HHAT: variants seen among roughly 807,000 people sequenced by gnomAD.
The protein encoded by HHAT is hedgehog acyltransferase.
In HHAT, 47 loss-of-function variants were observed where a neutral mutation model predicts 70.8. The observed-to-expected ratio is 0.66, with a 90% confidence interval of 0.53 to 0.85. HHAT has a LOEUF of 0.85. HHAT is among the 40% of genes least tolerant of loss of function. HHAT has a pLI of 0.00. For synonymous variants in HHAT, 228 were observed against 247.6 expected (o/e 0.92, Z 0.74); for missense variants, 609 against 604.8 (o/e 1.01, Z -0.07).
intron 3 of HHAT, among the ~76,000 whole-genome samples, chr1:210,375,065 CTT>C (rs2090075705): frequency 6.6e-6 from 1 of 152,210 alleles, no homozygotes; most frequent in Non-Finnish European, 1.5e-5. Context: ...AACCCACAGA[CTT>C]TAATCAGATT....
intron 9 of HHAT, among the ~76,000 whole-genome samples, chr1:210,531,946 C>T (rs1020934525): frequency 6.6e-6 from 1 of 152,160 alleles, no homozygotes; most frequent in Non-Finnish European, 1.5e-5. Flanking sequence ...TTCCTGGGTA[C>T]TTGCAAGCAA....
At chr1:210,366,335 C>A (rs2088964063) in intron 3 of HHAT, among the ~76,000 whole-genome samples, 1 of 152,122 alleles carries the variant, frequency 6.6e-6, no homozygotes, top group African/African-American at 2.4e-5. Context: ...TAAGCCTTAA[C>A]AATTTTAAAA....
chr1:210,507,475 C>T (rs2094880116), intron 8 of HHAT, among the ~76,000 whole-genome samples: 1 of 151,396 alleles, frequency 6.6e-6, no homozygotes. Context: ...ATTCTCCTGC[C>T]TCAGCCTCCC....
At chr1:210,609,224 A>G (rs1162609819) in intron 10 of HHAT, among the ~76,000 whole-genome samples, 1 of 152,196 alleles carries the variant, frequency 6.6e-6, no homozygotes, top group Non-Finnish European at 1.5e-5. Flanking sequence ...TATATTTTCT[A>G]GATAATTTAC....
In HHAT at chr1:210,436,596, G is replaced by T. The variant is rs184903395; in HGVS notation, c.856+18271G>T. ...TTCATTCTGTGTTCTTTTTGTCTTC[G>T]GTTAGTACTTCTGCTGTTGGGGTTC... On this transcript the variant is annotated intron_variant, in intron 7 of 11. Transcript: ENST00000261458. Among the ~76,000 whole-genome samples, 409 of 151,612 alleles carry T rather than the reference G, an allele frequency of 2.7e-3. 7 individuals carry two copies. Among genetic ancestry groups the T allele is most frequent in the African/African-American group, 9.7e-3 (398 of 41,018 alleles).
chr1:210,444,903 G>A (rs1040366092), intron 7 of HHAT, among the ~76,000 whole-genome samples: 5 of 152,100 alleles, frequency 3.3e-5, no homozygotes, highest in South Asian at 2.1e-4. Context: ...GCAGTGGCAC[G>A]ATCTCGGCTC....
At chr1:210,495,308 T>C (rs563365007) in intron 8 of HHAT, among the ~76,000 whole-genome samples, 45 of 151,738 alleles carry the variant, frequency 3.0e-4, no homozygotes, top group Admixed American at 8.5e-4. Flanking sequence ...AAAATTTATA[T>C]AATAGATGAC....
intron 11 of HHAT, among the ~76,000 whole-genome samples, chr1:210,674,045 G>T (rs1219169440): frequency 9.3e-5 from 14 of 150,882 alleles, no homozygotes; most frequent in Non-Finnish European, 1.5e-5. Context: ...TGCCATGCTG[G>T]TGCGCTGCAC....
intron 4 of HHAT, among the ~76,000 whole-genome samples, chr1:210,388,068 A>G (rs2091211941): frequency 6.6e-6 from 1 of 152,194 alleles, no homozygotes; most frequent in African/African-American, 2.4e-5. Context: ...TGGTTATTTG[A>G]AAACTACTTT....
intron 1 of HHAT, among the ~76,000 whole-genome samples, chr1:210,339,313 T>C (rs2085791392): frequency 6.6e-6 from 1 of 152,244 alleles, no homozygotes; most frequent in African/African-American, 2.4e-5. Context: ...TTTCAACTAA[T>C]TTTCCAGATT....
chr1:210,634,332 C>T (rs1355192722), intron 11 of HHAT, among the ~76,000 whole-genome samples: 3 of 152,130 alleles, frequency 2.0e-5, no homozygotes, highest in South Asian at 2.1e-4. Flanking sequence ...ACCTGATTTC[C>T]GTTTTTCCCC....
At chr1:210,481,045 A>AATT (rs1257723885) in intron 8 of HHAT, among the ~76,000 whole-genome samples, 1 of 152,184 alleles carries the variant, frequency 6.6e-6, no homozygotes, top group African/African-American at 2.4e-5. Flanking sequence ...TAAGACAGAT[A>AATT]ATTAACAAAC....
At chr1:210,359,994 T>C (rs1240945146) in intron 2 of HHAT, among the ~76,000 whole-genome samples, 1 of 152,196 alleles carries the variant, frequency 6.6e-6, no homozygotes, top group African/African-American at 2.4e-5. Context: ...TCTGTCTTGG[T>C]AAATCTGCTG....
intron 9 of HHAT, among the ~76,000 whole-genome samples, chr1:210,557,416 G>A (rs371460171): frequency 2.6e-5 from 4 of 152,212 alleles, no homozygotes; most frequent in South Asian, 2.1e-4. Context: ...CCAGCCTGAC[G>A]ATCAGAACCT....
intron 3 of HHAT, chr1:210,374,293 T>A (rs1406717060): frequency 6.6e-6 from 1 of 152,236 alleles, no homozygotes; most frequent in African/African-American, 2.4e-5. Flanking sequence ...TTCAACTCAT[T>A]GTTGCAGTAA....
At chr1:210,374,238 G>C (rs191539488) in intron 3 of HHAT, 3 of 149,586 alleles carry the variant, frequency 2.0e-5, no homozygotes, top group African/African-American at 7.5e-5. Context: ...AAAGGCGAAA[G>C]ATTTATTCGA....
intron 10 of HHAT, among the ~76,000 whole-genome samples, chr1:210,618,274 A>G (rs1305753862): frequency 6.6e-6 from 1 of 151,914 alleles, no homozygotes; most frequent in Non-Finnish European, 1.5e-5. Flanking sequence ...TGAGAGTTAT[A>G]ATTGTGTCTC....
At chr1:210,386,222 C>CTTTTTTCTTTTTTTTTT (rs1558409107) in intron 3 of HHAT, among the ~76,000 whole-genome samples, 11 of 69,890 alleles carry the variant, frequency 1.6e-4, no homozygotes, top group African/African-American at 5.9e-4. Context: ...GAGTCCTTTT[C>CTTTTTTCTTTTTTTTTT]TTTTTTTCTT....
At chr1:210,599,998 A>C (rs2148817811) in intron 10 of HHAT, among the ~76,000 whole-genome samples, 1 of 152,072 alleles carries the variant, frequency 6.6e-6, no homozygotes, top group South Asian at 2.1e-4. Flanking sequence ...ATCTCCTAGG[A>C]TGCTCTCTTT....
Sources: gnomAD v4.1 joint callset for allele counts (sites outside exome capture counted in the v4.1 genomes callset) on GRCh38, gnomAD v4.1.1 for gene constraint, MANE v1.5 for transcripts, NCBI Gene and HGNC (gene_info 2026-07-23, HGNC 2026-07-21) for gene names.